Variants in CHST11 observed in about 807,000 individuals in gnomAD.
CHST11 encodes C4S-1.
A neutral mutation model predicts 30.4 loss-of-function variants in CHST11; 9 were observed. The observed-to-expected ratio is 0.30, with a 90% CI of 0.18 to 0.52. The LOEUF (loss-of-function observed/expected upper bound fraction) is 0.52, where lower values mean the gene tolerates loss of function less well. CHST11 is among the 20% of genes least tolerant of loss of function. The pLI, the probability that CHST11 is intolerant of heterozygous loss-of-function variation, is 0.97. For missense variants in CHST11, 348 were observed against 460.6 expected, an observed-to-expected ratio of 0.76 and a Z score of 2.24; for synonymous variants, 152 against 187.8, an observed-to-expected ratio of 0.81 and a Z score of 1.56.
chr12:104,708,396 G>C (rs2040055487), intron 2 of CHST11, among the ~76,000 whole-genome samples: 1 of 152,212 alleles, frequency 6.6e-6, no homozygotes, highest in African/African-American at 2.4e-5. Context: ...GCAGGTGTGT[G>C]GGACCCACTT....
intron 2 of CHST11, among the ~76,000 whole-genome samples, chr12:104,746,165 A>T (rs1192697423): frequency 6.6e-6 from 1 of 152,208 alleles, no homozygotes; most frequent in Admixed American, 6.5e-5. Flanking sequence ...TCTATGTGGC[A>T]TCAGCCACCT....
intron 1 of CHST11, among the ~76,000 whole-genome samples, chr12:104,584,852 T>A (rs2038786252): frequency 2.0e-5 from 3 of 152,188 alleles, no homozygotes; most frequent in Non-Finnish European, 4.4e-5. Context: ...CATCTTTTAG[T>A]TTCTGTTGAA....
intron 1 of CHST11, among the ~76,000 whole-genome samples, chr12:104,485,305 C>T (rs764878232): frequency 6.6e-6 from 1 of 152,112 alleles, no homozygotes; most frequent in Non-Finnish European, 1.5e-5. Context: ...ATCGGGAACA[C>T]GAAGGCACGA....
At position 104,458,445 on chromosome 12, in the gene CHST11, GGGGGA is replaced by G. The variant is rs1472210679; in HGVS notation, c.118+920_118+924del. Among the ~76,000 whole-genome samples, 2 of 152,222 alleles carry G rather than the reference GGGGGA, an allele frequency of 1.3e-5. No homozygotes were observed. The highest frequency in any genetic ancestry group is 2.9e-5 in the Non-Finnish European group (2 of 68,036). On this transcript the variant is annotated intron_variant, in intron 1 of 2. Coordinates refer to ENST00000303694, the MANE Select transcript of CHST11 (RefSeq NM_018413.6). This position sits in a 1 kb window ranked among gnomAD's most constrained non-coding sequence, Gnocchi z 5.7. ...AAGTTCCACGTCCGAAATCTGGACTGGGGGAGGGACGAGGCTCGTCGCTTCCTAGG... is the reference window on the plus strand; with the variant it reads ...AAGTTCCACGTCCGAAATCTGGACTGGGGACGAGGCTCGTCGCTTCCTAGG...
chr12:104,653,742 T>C (rs1466647584), intron 2 of CHST11, among the ~76,000 whole-genome samples: 1 of 152,188 alleles, frequency 6.6e-6, no homozygotes, highest in African/African-American at 2.4e-5. Context: ...CTCCATCAAC[T>C]TAACATTATC....
intron 1 of CHST11, among the ~76,000 whole-genome samples, chr12:104,599,311 C>T (rs528487933): frequency 6.2e-4 from 94 of 152,282 alleles, no homozygotes; most frequent in Middle Eastern, 3.4e-3. Context: ...AATAATACTG[C>T]CCCCCATAAA....
In CHST11 at chr12:104,458,177, C is replaced by T. The variant is rs1276716003; in HGVS notation, c.118+648C>T. The stretch of plus-strand genomic sequence containing the variant: ...CCACCACGCGCCGGCCGTTTGCCCC[C>T]GGGGTCCGGCTCCGCAGTGACCTTG... On this transcript the variant is annotated intron_variant, in intron 1 of 2. Coordinates refer to ENST00000303694, the MANE Select transcript of CHST11 (RefSeq NM_018413.6). The surrounding 1 kb of genome is among the most constrained non-coding windows in gnomAD (Gnocchi z 5.7). Among the ~76,000 whole-genome samples, 2 of 152,088 alleles carry T rather than the reference C, an allele frequency of 1.3e-5. No individual in the cohort carries two copies. The highest frequency in any genetic ancestry group is 2.4e-5 in the African/African-American group (1 of 41,420).
At chr12:104,528,962 AC>A (rs1284939123) in intron 1 of CHST11, among the ~76,000 whole-genome samples, 2 of 152,208 alleles carry the variant, frequency 1.3e-5, no homozygotes, top group African/African-American at 4.8e-5. Flanking sequence ...CAGTAAACAC[AC>A]CGCTGGGCAA....
At chr12:104,659,975 C>G (rs1418023613) in intron 2 of CHST11, among the ~76,000 whole-genome samples, 1 of 152,168 alleles carries the variant, frequency 6.6e-6, no homozygotes, top group East Asian at 1.9e-4. Context: ...GAGTGAGACC[C>G]TGTCTCTAAA....
At chr12:104,647,392 TA>T (rs1358887532) in intron 2 of CHST11, among the ~76,000 whole-genome samples, 2 of 152,236 alleles carry the variant, frequency 1.3e-5, no homozygotes, top group Non-Finnish European at 2.9e-5. Context: ...TTTTTAGCTA[TA>T]TTTTTTTCAA....
chr12:104,563,653 C>G (rs1004877606), intron 1 of CHST11, among the ~76,000 whole-genome samples: 4 of 152,108 alleles, frequency 2.6e-5, no homozygotes, highest in Non-Finnish European at 4.4e-5. Context: ...AGAACATGAC[C>G]TTTTCCATGA....
At chr12:104,498,718 G>A (rs1262057489) in intron 1 of CHST11, among the ~76,000 whole-genome samples, 7 of 152,184 alleles carry the variant, frequency 4.6e-5, no homozygotes, top group Non-Finnish European at 7.3e-5. Context: ...AATGATTTCC[G>A]AGAGAGCCTG....
chr12:104,548,464 C>T (rs916934365), intron 1 of CHST11, among the ~76,000 whole-genome samples: 16 of 151,896 alleles, frequency 1.1e-4, no homozygotes, highest in African/African-American at 3.9e-4. Flanking sequence ...ACAATCCAGC[C>T]GTAGCTCACC....
chr12:104,580,325 G>A (rs577322351), intron 1 of CHST11, among the ~76,000 whole-genome samples: 4 of 152,176 alleles, frequency 2.6e-5, no homozygotes, highest in Non-Finnish European at 4.4e-5. Context: ...AGCCAAAAGC[G>A]TTCACTGTAT....
intron 1 of CHST11, among the ~76,000 whole-genome samples, chr12:104,567,000 T>A (rs2374402): frequency 0.052 from 7,957 of 152,218 alleles, 363 homozygotes; most frequent in African/African-American, 0.12. Context: ...CATGTATATG[T>A]AAATTTTATG....
At chr12:104,697,287 G>C (rs1258532466) in intron 2 of CHST11, among the ~76,000 whole-genome samples, 1 of 152,224 alleles carries the variant, frequency 6.6e-6, no homozygotes, top group Non-Finnish European at 1.5e-5. Flanking sequence ...TTATTTCTGG[G>C]TGTGTCTGTG....
At chr12:104,682,303 A>T (rs1332127794) in intron 2 of CHST11, among the ~76,000 whole-genome samples, 2 of 152,210 alleles carry the variant, frequency 1.3e-5, no homozygotes, top group African/African-American at 2.4e-5. Context: ...AAGTTTTCTA[A>T]AGGAGGTTGC....
In CHST11 at chr12:104,544,180, A is replaced by AAGAAAGAAAGAAAGAAAGAAAGAAAGAC. The variant is rs1182750741; in HGVS notation, c.119-57723_119-57722insAAGAAAGAAAGAAAGAAAGAAAGACAGA. ...AAAGAAAGAAAGAAAGAAAGAAAGAAAGACCTGAAAAGAACTAATTAACGC... is the reference window on the plus strand; with the variant it reads ...AAAGAAAGAAAGAAAGAAAGAAAGAAAGAAAGAAAGAAAGAAAGAAAGAAAGACAGACCTGAAAAGAACTAATTAACGC... On this transcript the variant is annotated intron_variant, in intron 1 of 2. Coordinates refer to ENST00000303694, the MANE Select transcript of CHST11 (RefSeq NM_018413.6). 9.9e-4 allele frequency among the ~76,000 whole-genome samples: 147 copies of AAGAAAGAAAGAAAGAAAGAAAGAAAGAC among 148,612 alleles called. 2 individuals are homozygous for AAGAAAGAAAGAAAGAAAGAAAGAAAGAC. Among genetic ancestry groups the AAGAAAGAAAGAAAGAAAGAAAGAAAGAC allele is most frequent in the African/African-American group, 3.6e-3 (141 of 39,704 alleles).
chr12:104,706,553 A>G (rs1329884405), intron 2 of CHST11, among the ~76,000 whole-genome samples: 1 of 151,974 alleles, frequency 6.6e-6, no homozygotes, highest in East Asian at 1.9e-4. Flanking sequence ...CCTGGCAGTG[A>G]GGGAGATGAC....
Sources: allele counts gnomAD v4.1 joint callset (sites outside exome capture counted in the v4.1 genomes callset), GRCh38; gene constraint gnomAD v4.1.1; non-coding constraint Gnocchi (gnomAD v3.1); transcripts MANE v1.5; gene names NCBI Gene and HGNC (gene_info 2026-07-23, HGNC 2026-07-21).